The following MYO1E variants were observed in gnomAD, a reference collection of about 807,000 sequenced individuals.
The protein encoded by MYO1E is myosin IE, also known as unconventional myosin-Ie.
In MYO1E, 68 loss-of-function variants were observed where a neutral mutation model predicts 151.1. That is an observed-to-expected ratio of 0.45 (90% CI 0.37 to 0.55). MYO1E has a LOEUF of 0.55. Among genes scored for constraint, MYO1E ranks in the 20% least tolerant of loss-of-function variants. The pLI, the probability that MYO1E is intolerant of heterozygous loss-of-function variation, is 0.00. For synonymous variants in MYO1E, 601 were observed against 501.7 expected (o/e 1.20, Z -2.64); for missense variants, 1,363 against 1,389.3 (o/e 0.98, Z 0.30).
At chr15:59,264,668 C>G (rs905052632) in intron 2 of MYO1E, among the ~76,000 whole-genome samples, 4 of 152,322 alleles carry the variant, frequency 2.6e-5, no homozygotes, top group Non-Finnish European at 5.9e-5. Flanking sequence ...ACTCGAAAAC[C>G]TAATTCCCTT....
chr15:59,266,805 GCACCCGC>G (rs2080257262), intron 2 of MYO1E: 1 of 151,044 alleles, frequency 6.6e-6, no homozygotes, highest in Admixed American at 6.6e-5. Flanking sequence ...GGGACTACAG[GCACCCGC>G]CACCACGCCC....
At chr15:59,215,971 G>A (rs1397622448) in intron 10 of MYO1E, among the ~76,000 whole-genome samples, 1 of 152,092 alleles carries the variant, frequency 6.6e-6, no homozygotes. Context: ...CAACCTAACT[G>A]CATGACTTCT....
rs559515547 is a variant in MYO1E at position 59,210,976 on chromosome 15, C to T, written c.1276-376G>A. ...CAGCACTTTGGGAGGCCGAGGTGGGCGGATCACAAGGTCAGGAGTTCGAGA... is the reference window on the plus strand; with the variant it reads ...CAGCACTTTGGGAGGCCGAGGTGGGTGGATCACAAGGTCAGGAGTTCGAGA... On this transcript the variant is annotated intron_variant, in intron 12 of 27. Coordinates refer to ENST00000288235, the MANE Select transcript of MYO1E (RefSeq NM_004998.4). Among the ~76,000 whole-genome samples, 337 of 152,040 alleles carry T rather than the reference C, an allele frequency of 2.2e-3. 2 individuals carry two copies. Among genetic ancestry groups the T allele is most frequent in the African/African-American group, 7.6e-3 (314 of 41,482 alleles).
At chr15:59,193,972 C>T (rs796999741) in intron 17 of MYO1E, among the ~76,000 whole-genome samples, 110 of 152,202 alleles carry the variant, frequency 7.2e-4, no homozygotes, top group African/African-American at 2.6e-3. Context: ...GTCAGGAGTT[C>T]AAAACCAGCC....
At chr15:59,334,910 G>A (rs541259083) in intron 1 of MYO1E, among the ~76,000 whole-genome samples, 59 of 152,234 alleles carry the variant, frequency 3.9e-4, no homozygotes, top group Non-Finnish European at 6.6e-4. Flanking sequence ...CTCACGTACA[G>A]GTCACACTTT....
chr15:59,342,686 T>G (rs567283591), intron 1 of MYO1E, among the ~76,000 whole-genome samples: 1 of 152,244 alleles, frequency 6.6e-6, no homozygotes, highest in Admixed American at 6.5e-5. Flanking sequence ...TGTGGTCTTC[T>G]CTTCCTTCTG....
intron 2 of MYO1E, among the ~76,000 whole-genome samples, chr15:59,267,084 G>A (rs1249387923): frequency 7.0e-6 from 1 of 142,908 alleles, no homozygotes; most frequent in Non-Finnish European, 1.5e-5. Flanking sequence ...GGAGTGCAGT[G>A]GTGCAATCTC....
chr15:59,227,749 G>A (rs558119380), intron 6 of MYO1E, among the ~76,000 whole-genome samples, 159 bp from the exon 7 acceptor site: 2 of 152,178 alleles, frequency 1.3e-5, no homozygotes, highest in African/African-American at 4.8e-5. Flanking sequence ...TTTTCAATCA[G>A]ACAATAACCC....
chr15:59,327,527 C>T (rs2080672623), intron 1 of MYO1E, among the ~76,000 whole-genome samples: 1 of 151,964 alleles, frequency 6.6e-6, no homozygotes, highest in Admixed American at 6.6e-5. Flanking sequence ...GTTTCCCAGG[C>T]TTGTCTCAAA....
intron 1 of MYO1E, among the ~76,000 whole-genome samples, chr15:59,307,586 A>C (rs2080521969): frequency 6.6e-6 from 1 of 150,902 alleles, no homozygotes; most frequent in Non-Finnish European, 1.5e-5. Flanking sequence ...TTTGTAAATG[A>C]TTCCAATGAG....
intron 24 of MYO1E, among the ~76,000 whole-genome samples, chr15:59,158,690 A>G (rs2079521723): frequency 1.3e-5 from 2 of 152,208 alleles, no homozygotes; most frequent in South Asian, 4.1e-4. Context: ...GACAGATGGA[A>G]CATTTAAACA....
chr15:59,179,019 G>A (rs1250433528), intron 18 of MYO1E, among the ~76,000 whole-genome samples: 3 of 152,314 alleles, frequency 2.0e-5, no homozygotes, highest in African/African-American at 7.2e-5. Context: ...GGGTCACGAG[G>A]CCCTTGGGAT....
intron 3 of MYO1E, among the ~76,000 whole-genome samples, chr15:59,259,613 C>T (rs1003967254): frequency 3.3e-5 from 5 of 152,000 alleles, no homozygotes; most frequent in Non-Finnish European, 7.4e-5. Context: ...AAGAAAGACA[C>T]GAAGATGGAA....
intron 26 of MYO1E, among the ~76,000 whole-genome samples, chr15:59,148,224 G>C (rs1203525262): frequency 3.3e-5 from 5 of 152,108 alleles, no homozygotes; most frequent in African/African-American, 1.2e-4. Context: ...CACATAGAAG[G>C]CACATGGCTC....
chr15:59,160,336 C>CGTGCGTGTGTGTGT (rs1555407720), intron 24 of MYO1E, among the ~76,000 whole-genome samples: 1 of 120,084 alleles, frequency 8.3e-6, no homozygotes, highest in Non-Finnish European at 1.8e-5. Flanking sequence ...TGAGGTAGTG[C>CGTGCGTGTGTGTGT]GTGTGTGTGT....
intron 1 of MYO1E, among the ~76,000 whole-genome samples, chr15:59,359,328 T>A (rs115513350): frequency 0.22 from 28,947 of 132,474 alleles, 3,639 homozygotes; most frequent in African/African-American, 0.43. Flanking sequence ...ATATATATAT[T>A]TTTTTTTTTA....
At chr15:59,245,519 C>T (rs1299790848) in intron 4 of MYO1E, among the ~76,000 whole-genome samples, 6 of 152,132 alleles carry the variant, frequency 3.9e-5, no homozygotes, top group Non-Finnish European at 2.9e-5. Flanking sequence ...TATTTAGCTT[C>T]TATGCAGGAT....
intron 1 of MYO1E, among the ~76,000 whole-genome samples, chr15:59,328,838 G>A (rs1255126451): frequency 6.6e-6 from 1 of 152,124 alleles, no homozygotes; most frequent in African/African-American, 2.4e-5. Flanking sequence ...CTACCCATAC[G>A]TTTGAGAAAA....
At chr15:59,270,924 A>G (rs1596394099) in intron 2 of MYO1E, 1 of 152,306 alleles carries the variant, frequency 6.6e-6, no homozygotes, top group Admixed American at 6.5e-5. Flanking sequence ...CCAAAGTGCT[A>G]TAAAAAGAAA....
Sources: gnomAD v4.1 joint callset for allele counts (sites outside exome capture counted in the v4.1 genomes callset) on GRCh38, gnomAD v4.1.1 for gene constraint, MANE v1.5 for transcripts, NCBI Gene and HGNC (gene_info 2026-07-23, HGNC 2026-07-21) for gene names.